The following SIK2 variants were observed in gnomAD, a reference collection of about 807,000 sequenced individuals.
The protein encoded by SIK2 is serine/threonine-protein kinase SIK2.
A neutral mutation model predicts 103.2 loss-of-function variants in SIK2; 29 were observed. The ratio of observed to expected loss-of-function variants is 0.28; its 90% confidence interval spans 0.21 to 0.38. The LOEUF is 0.38. SIK2 is among the 10% of genes least tolerant of loss of function. SIK2 has a pLI of 1.00. For synonymous variants in SIK2, 412 were observed against 446.1 expected, an observed-to-expected ratio of 0.92 and a Z score of 0.96; for missense variants, 879 against 1,171.0, an observed-to-expected ratio of 0.75 and a Z score of 3.64.
intron 3 of SIK2, among the ~76,000 whole-genome samples, chr11:111,636,868 A>G (rs1223952540): frequency 6.6e-6 from 1 of 152,080 alleles, no homozygotes; most frequent in African/African-American, 2.4e-5. Flanking sequence ...TCAATTCCTG[A>G]TCCTTTGTTG....
At position 111,724,465 on chromosome 11, in the gene SIK2, A is replaced by G. The variant is rs585149; in HGVS notation, c.*336A>G. 35,113 of 295,042 alleles carry G rather than the reference A, an allele frequency of 0.12. 2,771 individuals carry two copies. The highest frequency in any genetic ancestry group is 0.17 in the Non-Finnish European group (25,928 of 156,248). 18.3% of individuals were successfully genotyped at this position (295,042 alleles called of 1,614,324 possible). Reference sequence around the variant, plus strand: ...GTGTTATGCAGGATTACATCCGTTTATTATCAAGGGCAACCTTGGTGAAAG... The same window carrying G: ...GTGTTATGCAGGATTACATCCGTTTGTTATCAAGGGCAACCTTGGTGAAAG... On this transcript the variant is annotated 3_prime_UTR_variant, in exon 15 of 15. Coordinates refer to ENST00000304987, the MANE Select transcript of SIK2 (RefSeq NM_015191.3).
intron 7 of SIK2, 77 bp downstream of exon 7, chr11:111,703,500 C>A: frequency 7.6e-7 from 1 of 1,312,872 alleles, no homozygotes; most frequent in Non-Finnish European, 1.1e-6. Context: ...TCATCCTGGT[C>A]TTTTAGCACA....
intron 3 of SIK2, among the ~76,000 whole-genome samples, chr11:111,675,350 ATC>A (rs1942689008): frequency 6.6e-6 from 1 of 152,210 alleles, no homozygotes; most frequent in Non-Finnish European, 1.5e-5. Flanking sequence ...GTATGGATAA[ATC>A]TCTTACAGGC....
chr11:111,657,684 T>G (rs1470296844), intron 3 of SIK2, among the ~76,000 whole-genome samples: 1 of 152,102 alleles, frequency 6.6e-6, no homozygotes, highest in African/African-American at 2.4e-5. Context: ...CCACCATGCC[T>G]GGCCAGAGTA....
chr11:111,648,201 T>A (rs1591600422), intron 3 of SIK2, among the ~76,000 whole-genome samples: 1 of 152,204 alleles, frequency 6.6e-6, no homozygotes, highest in South Asian at 2.1e-4. Flanking sequence ...TTTGGGTTTT[T>A]AAATATATTA....
intron 1 of SIK2, among the ~76,000 whole-genome samples, chr11:111,609,335 G>A (rs183574833): frequency 6.7e-6 from 1 of 150,090 alleles, no homozygotes; most frequent in African/African-American, 2.5e-5. Flanking sequence ...TTTTTTTTTG[G>A]GGGGGGGACA....
chr11:111,645,545 G>T (rs1424726048), intron 3 of SIK2, among the ~76,000 whole-genome samples: 1 of 152,160 alleles, frequency 6.6e-6, no homozygotes, highest in Non-Finnish European at 1.5e-5. Flanking sequence ...AACAGGCCAG[G>T]CACAGTGGCT....
At chr11:111,682,630 A>G (rs1462457906) in intron 3 of SIK2, among the ~76,000 whole-genome samples, 1 of 152,278 alleles carries the variant, frequency 6.6e-6, no homozygotes, top group Non-Finnish European at 1.5e-5. Flanking sequence ...ACATGAGGAA[A>G]AAAAGGATAA....
Position 111,703,357 on chromosome 11 carries a change from G to T in SIK2, c.882G>T (p.Gly294=). 1 of 1,614,088 alleles carries T rather than the reference G, an allele frequency of 6.2e-7. No homozygotes were observed. The highest frequency in any genetic ancestry group is 8.5e-7 in the Non-Finnish European group (1 of 1,179,974). ...PQEQENEPSI[G]EFNEQVLRLM... is the part of the protein sequence containing the mutation. ...AGCAAGAAAATGAGCCATCCATCGGGGAGTTTAATGAGCAGGTTCTGCGAC... is the reference window on the plus strand; with the variant it reads ...AGCAAGAAAATGAGCCATCCATCGGTGAGTTTAATGAGCAGGTTCTGCGAC... Residue 294 remains glycine (G), a synonymous_variant, in exon 7 of 15, where the codon GGG becomes GGT. Transcript: ENST00000304987.
At chr11:111,692,123 G>A (rs754685669) in intron 4 of SIK2, among the ~76,000 whole-genome samples, 2 of 151,812 alleles carry the variant, frequency 1.3e-5, no homozygotes, top group Non-Finnish European at 2.9e-5. Flanking sequence ...GGCCAAGACG[G>A]GCAGATTGCC....
chr11:111,662,797 G>C (rs182116115), intron 3 of SIK2, among the ~76,000 whole-genome samples: 9 of 152,252 alleles, frequency 5.9e-5, no homozygotes, highest in African/African-American at 2.2e-4. Context: ...CAGATTGCTT[G>C]AGCCCAGGAG....
chr11:111,662,742 G>A (rs1942483747), intron 3 of SIK2, among the ~76,000 whole-genome samples: 1 of 151,792 alleles, frequency 6.6e-6, no homozygotes, highest in South Asian at 2.1e-4. Context: ...GCTGGGCATG[G>A]TGGTGTGTGC....
At chr11:111,635,412 G>T (rs1565321947) in intron 3 of SIK2, among the ~76,000 whole-genome samples, 1 of 141,004 alleles carries the variant, frequency 7.1e-6, no homozygotes. Flanking sequence ...AAGGAAGGAA[G>T]GAGGGAGGGA....
Position 111,729,817 on chromosome 11 carries a change from C to T in SIK2, c.*5688C>T, listed in dbSNP as rs1042530570. On this transcript the variant is annotated 3_prime_UTR_variant, in exon 15 of 15. Coordinates refer to ENST00000304987, the MANE Select transcript of SIK2 (RefSeq NM_015191.3). The stretch of plus-strand genomic sequence containing the variant: ...CCAGGTGGCCGTGCACTGAACCAGG[C>T]TGAGGGAGACAAAAACCCCGCAGAC... 2 of 152,272 alleles carry T rather than the reference C, an allele frequency of 1.3e-5. No homozygotes were observed. The highest frequency in any genetic ancestry group is 6.5e-5 in the Admixed American group (1 of 15,284). The allele number at this position is 152,272 out of a possible 1,614,324, so 9.4% of individuals were successfully genotyped here.
rs1203262487 is a variant in SIK2, at chr11:111,723,662, C to A, written c.2314C>A (p.Gln772Lys). The A allele has an allele frequency of 2.5e-6, 4 of 1,614,164 alleles. No individual in the cohort carries two copies. Among genetic ancestry groups the A allele is most frequent in the Non-Finnish European group, 3.4e-6 (4 of 1,180,036 alleles). ...GCAGGCCCCACCGTTCAGCCTGACC[C>A]AGCCCCTGAGCCCCGTCCTGGAGCC... Reference protein sequence around the residue: ...SQQAPPFSLTQPLSPVLEPSS... With the variant: ...SQQAPPFSLTKPLSPVLEPSS... The change falls in exon 15 of 15, where the codon CAG (glutamine) becomes AAG (lysine). Residue 772 changes from glutamine to lysine, a missense_variant. Physicochemically the swap from Gln to Lys is moderately conservative, Grantham distance 53. Around this residue, in one of 7 missense-constraint regions of SIK2, gnomAD observed 375 missense variants for 416.3 expected, o/e 0.90. Coordinates refer to ENST00000304987, the MANE Select transcript of SIK2 (RefSeq NM_015191.3).
chr11:111,666,148 G>A (rs1942538681), intron 3 of SIK2, among the ~76,000 whole-genome samples: 1 of 152,240 alleles, frequency 6.6e-6, no homozygotes, highest in Non-Finnish European at 1.5e-5. Context: ...ACCTCAAGGA[G>A]ATGTTGGTGC....
At chr11:111,696,860 A>T (rs1337625643) in intron 4 of SIK2, among the ~76,000 whole-genome samples, 3 of 152,202 alleles carry the variant, frequency 2.0e-5, no homozygotes, top group African/African-American at 7.2e-5. Context: ...GGCAGTAAGA[A>T]ATAAATCCTG....
In SIK2 at chr11:111,628,416, ATCTTTCTTTCTTTCTT is replaced by A. The variant is rs112377118; in HGVS notation, c.316+8036_316+8051del. ...CCTCTTTAGAGGCAACCGCTTTCAT[ATCTTTCTTTCTTTCTT>A]TCTTTCTTTCTTTCTTTCTTTTTTG... is the stretch of plus-strand genomic sequence containing the variant. On this transcript the variant is annotated intron_variant, in intron 3 of 14. Transcript: ENST00000304987. 1.1e-3 allele frequency among the ~76,000 whole-genome samples: 141 copies of A among 125,680 alleles called. 1 individual carries two copies. The highest frequency in any genetic ancestry group is 3.5e-3 in the African/African-American group (133 of 38,338). The allele number at this position is 125,680 out of a possible 152,430, so 82.5% of individuals were successfully genotyped here.
intron 3 of SIK2, among the ~76,000 whole-genome samples, chr11:111,651,001 G>A (rs1051513689): frequency 3.9e-5 from 6 of 152,010 alleles, no homozygotes; most frequent in Non-Finnish European, 7.4e-5. Flanking sequence ...CACTTTTAAT[G>A]GACCTCTGTC....
Sources: allele counts gnomAD v4.1 joint callset (sites outside exome capture counted in the v4.1 genomes callset), GRCh38; gene constraint gnomAD v4.1.1; regional missense constraint gnomAD v4.1.1; transcripts MANE v1.5; gene names NCBI Gene and HGNC (gene_info 2026-07-23, HGNC 2026-07-21).